CNGB3: variants seen among roughly 807,000 people sequenced by gnomAD.
CNGB3 encodes the protein cyclic nucleotide-gated channel beta-3.
Under a neutral mutation model 92.8 loss-of-function variants are expected in CNGB3, and 86 were observed. The ratio of observed to expected loss-of-function variants is 0.93; its 90% CI spans 0.78 to 1.11. The LOEUF is 1.11. Among genes scored for constraint, CNGB3 ranks in the 50% least tolerant of loss-of-function variants. CNGB3 has a pLI of 0.00. For synonymous variants in CNGB3, 333 were observed against 332.7 expected (o/e 1.00, Z -0.01); for missense variants, 1,026 against 956.8 (o/e 1.07, Z -0.95).
At chr8:86,613,674 T>A (rs1169587239) in intron 13 of CNGB3, among the ~76,000 whole-genome samples, 1 of 152,006 alleles carries the variant, frequency 6.6e-6, no homozygotes, top group African/African-American at 2.4e-5. Flanking sequence ...CGTTTTCATA[T>A]AAATAATTTT....
chr8:86,733,632 A>G lies in CNGB3; in HGVS notation c.211+6023T>C, dbSNP rs571412565. On this transcript the variant is annotated intron_variant, in intron 2 of 17. Coordinates refer to ENST00000320005, the MANE Select transcript of CNGB3 (RefSeq NM_019098.5). Reference sequence around the variant, plus strand: ...GTTACAGGGAGTGGACTACAGAACTAAAATTAGCCATAGTAGTACTTCCTA... The same window carrying G: ...GTTACAGGGAGTGGACTACAGAACTGAAATTAGCCATAGTAGTACTTCCTA... Among the ~76,000 whole-genome samples the G allele has an allele frequency of 5.9e-5, 9 of 152,336 alleles. No homozygotes were observed. In the East Asian group the frequency reaches 1.7e-3, roughly 29 times the overall value.
intron 15 of CNGB3, among the ~76,000 whole-genome samples, chr8:86,587,832 G>A (rs1384558855): frequency 6.6e-6 from 1 of 151,734 alleles, no homozygotes; most frequent in Non-Finnish European, 1.5e-5. Flanking sequence ...CTCTTTTTTG[G>A]TTCCATATGA....
intron 10 of CNGB3, among the ~76,000 whole-genome samples, chr8:86,639,212 T>A (rs975995865): frequency 3.9e-5 from 6 of 151,948 alleles, no homozygotes; most frequent in Non-Finnish European, 7.4e-5. Flanking sequence ...TGTTAAAAAA[T>A]TTGTGCACAG....
At chr8:86,616,120 T>TA (rs761464622) in intron 13 of CNGB3, among the ~76,000 whole-genome samples, 1 of 152,154 alleles carries the variant, frequency 6.6e-6, no homozygotes, top group Non-Finnish European at 1.5e-5. Flanking sequence ...CACAAGCACT[T>TA]ACATCGATAG....
chr8:86,669,234 CAAAT>C (rs148922707), intron 4 of CNGB3, among the ~76,000 whole-genome samples: 3,243 of 151,714 alleles, frequency 0.021, 118 homozygotes, highest in African/African-American at 0.075. Flanking sequence ...TAAACTGTCT[CAAAT>C]AAAAATGTAG....
intron 14 of CNGB3, among the ~76,000 whole-genome samples, chr8:86,610,895 A>T (rs1822504603): frequency 6.6e-6 from 1 of 152,210 alleles, no homozygotes; most frequent in Non-Finnish European, 1.5e-5. Context: ...CTGAAACATC[A>T]TGCAGCTTTA....
intron 6 of CNGB3, chr8:86,661,968 T>C: frequency 1.9e-6 from 1 of 537,030 alleles, no homozygotes; most frequent in Non-Finnish European, 3.4e-6. Context: ...GGAACAGTCC[T>C]GGCCTCCGTG....
chr8:86,685,755 C>T (rs1482483270), intron 3 of CNGB3, among the ~76,000 whole-genome samples: 1 of 151,976 alleles, frequency 6.6e-6, no homozygotes, highest in Non-Finnish European at 1.5e-5. Flanking sequence ...AATTAGAACT[C>T]AATGTTTATT....
intron 3 of CNGB3, among the ~76,000 whole-genome samples, chr8:86,708,594 G>T (rs1325651049): frequency 1.7e-5 from 2 of 119,670 alleles, no homozygotes; most frequent in African/African-American, 6.5e-5. Flanking sequence ...TTGAGTCAGG[G>T]TCTCACTCTG....
At chr8:86,600,491 A>G (rs1258621685) in intron 15 of CNGB3, among the ~76,000 whole-genome samples, 1 of 152,250 alleles carries the variant, frequency 6.6e-6, no homozygotes, top group African/African-American at 2.4e-5. Context: ...AAATTGCTGA[A>G]GAGCTGTTGC....
chr8:86,662,769 T>C (rs1404441271), intron 6 of CNGB3, among the ~76,000 whole-genome samples: 3 of 152,174 alleles, frequency 2.0e-5, no homozygotes, highest in Admixed American at 6.5e-5. Context: ...GGAGGATCCC[T>C]GTTTCCCCCC....
intron 7 of CNGB3, among the ~76,000 whole-genome samples, chr8:86,650,093 C>T (rs567775502): frequency 4.6e-5 from 7 of 151,492 alleles, no homozygotes; most frequent in Admixed American, 1.3e-4. Context: ...GTTGATTTTA[C>T]TCTACAGGTA....
intron 3 of CNGB3, among the ~76,000 whole-genome samples, chr8:86,703,293 G>C (rs1015192413): frequency 3.3e-5 from 5 of 151,974 alleles, no homozygotes; most frequent in African/African-American, 1.2e-4. Context: ...CCACTTACAG[G>C]CAAGGTTAAA....
rs566511916 is a variant in CNGB3 at position 86,668,043 on chromosome 8, G to C, written c.619C>G (p.Pro207Ala). ...LTEYLKRIKL[P>A]NSIDSYTDRL... Reference sequence around the variant, plus strand: ...CCTGTGTATGAATCTATGCTGTTTGGAAGTTTAATTCGCTTTAAGTACTCT... The same window carrying C: ...CCTGTGTATGAATCTATGCTGTTTGCAAGTTTAATTCGCTTTAAGTACTCT... Residue 207 changes from proline to alanine, a missense_variant, in exon 5 of 18, where the codon CCA (proline) becomes GCA (alanine). By Grantham distance (27) the Pro-to-Ala change is conservative. Transcript: ENST00000320005. The C allele has an allele frequency of 8.1e-6, 13 of 1,613,982 alleles. No homozygotes were observed. In the South Asian group the frequency reaches 1.4e-4, roughly 18 times the overall value.
chr8:86,714,052 C>T (rs186687074), intron 3 of CNGB3, among the ~76,000 whole-genome samples: 17 of 152,242 alleles, frequency 1.1e-4, no homozygotes, highest in Non-Finnish European at 1.6e-4. Context: ...GTTTACATTA[C>T]GGTCCACTCT....
chr8:86,706,437 C>T (rs893908803), intron 3 of CNGB3, among the ~76,000 whole-genome samples: 3 of 152,198 alleles, frequency 2.0e-5, no homozygotes, highest in African/African-American at 4.8e-5. Flanking sequence ...GTAAATGCAT[C>T]GCTCATTAGT....
At chr8:86,710,981 A>C (rs1212091532) in intron 3 of CNGB3, among the ~76,000 whole-genome samples, 1 of 152,200 alleles carries the variant, frequency 6.6e-6, no homozygotes, top group Non-Finnish European at 1.5e-5. Flanking sequence ...CAAGGGAGAA[A>C]TGGTAAACTG....
At chr8:86,629,924 A>G (rs1225352153) in intron 11 of CNGB3, among the ~76,000 whole-genome samples, 4 of 152,118 alleles carry the variant, frequency 2.6e-5, no homozygotes, top group African/African-American at 9.7e-5. Flanking sequence ...GGTTTATACT[A>G]GGGAGGAAAA....
intron 13 of CNGB3, among the ~76,000 whole-genome samples, chr8:86,617,283 C>T (rs564325765): frequency 1.3e-5 from 2 of 152,186 alleles, no homozygotes; most frequent in African/African-American, 2.4e-5. Flanking sequence ...TTTCTAGGCT[C>T]ATTTCTGCTT....
Sources: gnomAD v4.1 joint callset for allele counts (sites outside exome capture counted in the v4.1 genomes callset) on GRCh38, gnomAD v4.1.1 for gene constraint, MANE v1.5 for transcripts, NCBI Gene and HGNC (gene_info 2026-07-23, HGNC 2026-07-21) for gene names.